Variants in IL5RA observed in about 807,000 individuals in gnomAD.
The protein encoded by IL5RA is interleukin 5 receptor subunit alpha.
In IL5RA, 49 loss-of-function variants were observed where a neutral mutation model predicts 50.0. That is an observed-to-expected ratio of 0.98 (90% CI 0.78 to 1.24). The LOEUF (loss-of-function observed/expected upper bound fraction) is 1.24. Ranked by LOEUF, IL5RA falls within the 50% of genes most tolerant of loss-of-function variation. IL5RA has a pLI of 0.00. For missense variants in IL5RA, 600 were observed against 500.4 expected, an observed-to-expected ratio of 1.20 and a Z score of -1.90; for synonymous variants, 202 against 174.0, an observed-to-expected ratio of 1.16 and a Z score of -1.26.
Position 3,084,053 on chromosome 3 carries a change from TA to T in IL5RA, c.995-7427del, listed in dbSNP as rs11399967. 4.9e-3 allele frequency among the ~76,000 whole-genome samples: 488 copies of T among 99,424 alleles called. 2 individuals carry two copies. The highest frequency in any genetic ancestry group is 6.0e-3 in the Admixed American group (55 of 9,188). 65.2% of individuals were successfully genotyped at this position (99,424 alleles called of 152,430 possible). A position where few individuals can be genotyped will look rare whatever the true frequency, so the allele number is the denominator to read the frequency against. On this transcript the variant is annotated intron_variant, in intron 9 of 11. Transcript: ENST00000446632. Reference sequence around the variant, plus strand: ...GGTGAGAGAGTGAGACTCCATCTCATAAAAAAAAAAAAAAAAAAAGGTTTAG... The same window carrying T: ...GGTGAGAGAGTGAGACTCCATCTCATAAAAAAAAAAAAAAAAAAGGTTTAG...
chr3:3,070,541 C>T (rs1395181140), intron 11 of IL5RA, among the ~76,000 whole-genome samples: 1 of 132,210 alleles, frequency 7.6e-6, no homozygotes, highest in Non-Finnish European at 1.6e-5. Context: ...ATAATGTTTT[C>T]TTTAGACTTA....
intron 7 of IL5RA, among the ~76,000 whole-genome samples, chr3:3,095,712 TC>T (rs896659744): frequency 6.6e-6 from 1 of 151,650 alleles, no homozygotes; most frequent in Non-Finnish European, 1.5e-5. Flanking sequence ...TTGAATTACT[TC>T]CCCCCCTCAG....
In IL5RA at chr3:3,092,646, G is replaced by A. The variant is rs1258457881; in HGVS notation, c.856-284C>T. Among the ~76,000 whole-genome samples the A allele has an allele frequency of 6.6e-6, 1 of 152,190 alleles. No individual in the cohort carries two copies. The highest frequency in any genetic ancestry group is 6.5e-5 in the Admixed American group (1 of 15,284). Reference sequence around the variant, plus strand: ...CCCAGCTGATGTTTCCAGACTGAAAGACTGGAGTGGCCTATGCTAGAATGC... The same window carrying A: ...CCCAGCTGATGTTTCCAGACTGAAAAACTGGAGTGGCCTATGCTAGAATGC... On this transcript the variant is annotated intron_variant, in intron 8 of 11. Transcript: ENST00000446632. The surrounding 1 kb of genome is among the most constrained non-coding windows in gnomAD (Gnocchi z 4.2).
At chr3:3,074,906 A>G in intron 10 of IL5RA, 40 bp from the exon 11 acceptor site, 1 of 1,224,614 alleles carries the variant, frequency 8.2e-7, no homozygotes, top group Non-Finnish European at 1.2e-6. Flanking sequence ...GAGCATGAGT[A>G]TACCTTTTGT....
At chr3:3,088,531 C>T (rs1220275558) in intron 9 of IL5RA, among the ~76,000 whole-genome samples, 1 of 152,184 alleles carries the variant, frequency 6.6e-6, no homozygotes, top group Non-Finnish European at 1.5e-5. Context: ...TCATCTCTAG[C>T]TTATAACATA....
At chr3:3,105,604 T>C (rs1703874249) in intron 2 of IL5RA, 1 of 149,876 alleles carries the variant, frequency 6.7e-6, no homozygotes, top group African/African-American at 2.5e-5. Context: ...TTTTTTTGTT[T>C]GTTTGTTGAT....
At chr3:3,100,263 T>C (rs979804258) in intron 5 of IL5RA, among the ~76,000 whole-genome samples, 1 of 152,214 alleles carries the variant, frequency 6.6e-6, no homozygotes, top group African/African-American at 2.4e-5. Context: ...CCAGTGTCTT[T>C]CAAGAAGCAG....
intron 8 of IL5RA, 98 bp downstream of exon 8, chr3:3,095,201 A>T: frequency 1.1e-6 from 1 of 882,388 alleles, no homozygotes; most frequent in Non-Finnish European, 1.8e-6. Flanking sequence ...CCTTGTTAGT[A>T]CCAAGCTGTA....
At position 3,070,281 on chromosome 3, in the gene IL5RA, C is replaced by G; in HGVS notation, c.1207G>C (p.Val403Leu). The change falls in exon 12 of 12, where the codon GTC becomes CTC. Residue 403 changes from valine to leucine, a missense_variant. By Grantham distance (32) the Val-to-Leu change is conservative. Transcript: ENST00000446632. ...KAGSSETEIE[V>L]ICYIEKPGVE... ...CCAGGCTTCTCTATATAACAGATGA[C>G]TTCAATTTCCGTCTCACTGGACCCA... The G allele has an allele frequency of 6.2e-7, 1 of 1,613,248 alleles. No homozygotes were observed. Among genetic ancestry groups the G allele is most frequent in the South Asian group, 1.1e-5 (1 of 90,990 alleles).
At chr3:3,095,774 G>A (rs565768740) in intron 7 of IL5RA, among the ~76,000 whole-genome samples, 49 of 151,626 alleles carry the variant, frequency 3.2e-4, no homozygotes, top group Non-Finnish European at 5.6e-4. Context: ...AGTTGTACCA[G>A]GCCCAGAATA....
chr3:3,083,512 A>G (rs17879032), intron 9 of IL5RA, among the ~76,000 whole-genome samples: 4,121 of 152,256 alleles, frequency 0.027, 196 homozygotes, highest in African/African-American at 0.093. Context: ...CTTGTCTGCA[A>G]TATCCCCCAG....
At chr3:3,093,100 T>C (rs1164228136) in intron 8 of IL5RA, among the ~76,000 whole-genome samples, 2 of 152,228 alleles carry the variant, frequency 1.3e-5, no homozygotes, top group Admixed American at 6.5e-5. Flanking sequence ...GTGGCATCCA[T>C]TGCCCAGAGT....
rs1703660828 is a variant in IL5RA at position 3,101,712 on chromosome 3, G to T, written c.347C>A (p.Ala116Asp). ...TTTACCTGGTGGGGCATGAAGTTCA[G>T]CAGAAGCCCAGCTGCTGGCCAGTAG... Reference protein sequence around the residue: ...HSLLASSWASAELHAPPGSPG... With the variant: ...HSLLASSWASDELHAPPGSPG... The change falls in exon 5 of 12, where the codon GCT becomes GAT. Residue 116 changes from alanine (A) to aspartate (D), a missense_variant. Ala to Asp is a moderately radical substitution (Grantham distance 126). Coordinates refer to ENST00000446632, the MANE Select transcript of IL5RA (RefSeq NM_175726.4). 2.5e-6 allele frequency: 4 copies of T among 1,614,082 alleles called. No homozygotes were observed. Among genetic ancestry groups the T allele is most frequent in the Middle Eastern group, 1.7e-4 (1 of 6,056 alleles).
rs971796595 is a variant in IL5RA at position 3,067,231 on chromosome 3, T to A, written c.*2994A>T. On this transcript the variant is annotated 3_prime_UTR_variant, in exon 12 of 12. Transcript: ENST00000446632. ...AAACATCCAGGTTGCAGTAGCCCAG[T>A]TGTTAGGCACATGTGTCTCCTGGTT... 2 of 152,198 alleles carry A rather than the reference T, an allele frequency of 1.3e-5. No individual in the cohort carries two copies. Among genetic ancestry groups the A allele is most frequent in the Non-Finnish European group, 2.9e-5 (2 of 68,050 alleles). The allele number at this position is 152,198 out of a possible 1,614,324, so 9.4% of individuals were successfully genotyped here. A position where few individuals can be genotyped will look rare whatever the true frequency, so the allele number is the denominator to read the frequency against.
At position 3,098,132 on chromosome 3, in the gene IL5RA, C is replaced by T. The variant is rs1703451725; in HGVS notation, c.521+5G>A. 2 of 1,614,030 alleles carry T rather than the reference C, an allele frequency of 1.2e-6. No homozygotes were observed. Among genetic ancestry groups the T allele is most frequent in the Non-Finnish European group, 1.7e-6 (2 of 1,179,916 alleles). On this transcript the variant is annotated splice_donor_5th_base_variant and intron_variant, in intron 6 of 11. Transcript: ENST00000446632. ...TGCCTAAGTAAAAATAGGTACAGTACTAACCTATAGTAGAGAAAATACTGC... is the reference window on the plus strand; with the variant it reads ...TGCCTAAGTAAAAATAGGTACAGTATTAACCTATAGTAGAGAAAATACTGC...
At chr3:3,099,497 C>A (rs190937880) in intron 5 of IL5RA, among the ~76,000 whole-genome samples, 1,987 of 152,024 alleles carry the variant, frequency 0.013, 36 homozygotes, top group African/African-American at 0.046. Context: ...GGTGTGGCGG[C>A]ATGTGCCTAT....
intron 9 of IL5RA, chr3:3,090,229 G>A: frequency 6.2e-7 from 1 of 1,609,378 alleles, no homozygotes. Context: ...CAGGAAAGCT[G>A]GATGTTATCT....
At chr3:3,072,862 A>T (rs1702348130) in intron 11 of IL5RA, among the ~76,000 whole-genome samples, 3 of 152,206 alleles carry the variant, frequency 2.0e-5, no homozygotes, top group Admixed American at 2.0e-4. Flanking sequence ...CAGTGAGCCG[A>T]GATGGTTCCA....
chr3:3,072,788 T>C (rs1187899920), intron 11 of IL5RA, among the ~76,000 whole-genome samples: 1 of 152,196 alleles, frequency 6.6e-6, no homozygotes, highest in Non-Finnish European at 1.5e-5. Flanking sequence ...GGCGGGCACC[T>C]GTAATCCCAG....
Sources: allele counts gnomAD v4.1 joint callset (sites outside exome capture counted in the v4.1 genomes callset), GRCh38; gene constraint gnomAD v4.1.1; non-coding constraint Gnocchi (gnomAD v3.1); transcripts MANE v1.5; gene names NCBI Gene and HGNC (gene_info 2026-07-23, HGNC 2026-07-21).